The following FAM168A variants were observed in gnomAD, a reference collection of about 807,000 sequenced individuals.
FAM168A encodes family with sequence similarity 168 member A, also known as protein FAM168A.
Under a neutral mutation model 28.5 loss-of-function variants are expected in FAM168A, and 3 were observed. The ratio of observed to expected loss-of-function variants is 0.11; its 90% CI spans 0.05 to 0.27. The LOEUF (loss-of-function observed/expected upper bound fraction) is 0.27, where lower values mean the gene tolerates loss of function less well. FAM168A is among the 10% of genes least tolerant of loss of function. FAM168A has a pLI of 1.00. For synonymous variants in FAM168A, 122 were observed against 124.2 expected, an observed-to-expected ratio of 0.98 and a Z score of 0.12; for missense variants, 222 against 311.5, an observed-to-expected ratio of 0.71 and a Z score of 2.16.
intron 4 of FAM168A, among the ~76,000 whole-genome samples, chr11:73,413,917 T>G (rs1270423847): frequency 2.6e-5 from 4 of 152,054 alleles, no homozygotes; most frequent in Non-Finnish European, 5.9e-5. Context: ...AGAAAAAAAC[T>G]TAGCCAGGCA....
chr11:73,484,602 CTATATCGA>C (rs1868021549), intron 1 of FAM168A, among the ~76,000 whole-genome samples: 1 of 91,536 alleles, frequency 1.1e-5, no homozygotes, highest in African/African-American at 3.5e-5. Context: ...ATATCGATAT[CTATATCGA>C]TATATATCTA....
chr11:73,532,211 T>C (rs1396230120), intron 1 of FAM168A, among the ~76,000 whole-genome samples: 2 of 152,134 alleles, frequency 1.3e-5, no homozygotes, highest in Non-Finnish European at 2.9e-5. Context: ...TTTATACATC[T>C]CTCATTATAA....
chr11:73,583,979 C>T (rs549167371), intron 1 of FAM168A, among the ~76,000 whole-genome samples: 35 of 152,142 alleles, frequency 2.3e-4, no homozygotes, highest in Non-Finnish European at 3.2e-4. Flanking sequence ...GGCTTTCAGG[C>T]ATGCTCATTT....
intron 1 of FAM168A, among the ~76,000 whole-genome samples, chr11:73,577,576 T>C (rs1037779913): frequency 1.3e-5 from 2 of 152,182 alleles, no homozygotes; most frequent in East Asian, 1.9e-4. Context: ...CATCATACAA[T>C]TCACTTTCAG....
rs1866391060 is a variant in FAM168A, at chr11:73,400,815, T to TTTTAATAG, written c.*5947_*5948insCTATTAAA. On this transcript the variant is annotated 3_prime_UTR_variant, in exon 8 of 8. Coordinates refer to ENST00000356467, the MANE Select transcript of FAM168A (RefSeq NM_015159.3). ...ACTTTTTTTTGGGGGGGAATTTTTT[T>TTTTAATAG]TTTTAATAGTTATTGAGTGTTCTAC... is the stretch of plus-strand genomic sequence containing the variant. 1 of 152,126 alleles carries TTTTAATAG rather than the reference T, an allele frequency of 6.6e-6. No individual in the cohort carries two copies. Among genetic ancestry groups the TTTTAATAG allele is most frequent in the African/African-American group, 2.4e-5 (1 of 41,428 alleles). 9.4% of individuals were successfully genotyped at this position (152,126 alleles called of 1,614,324 possible).
At chr11:73,557,564 A>G (rs968216867) in intron 1 of FAM168A, among the ~76,000 whole-genome samples, 1 of 152,190 alleles carries the variant, frequency 6.6e-6, no homozygotes, top group Non-Finnish European at 1.5e-5. Context: ...TCCTGTATTC[A>G]TGAATTGGAA....
intron 3 of FAM168A, among the ~76,000 whole-genome samples, chr11:73,424,848 T>A (rs1428617508): frequency 6.6e-6 from 1 of 152,122 alleles, no homozygotes. Flanking sequence ...CAACCCATGA[T>A]TTTTGCACCA....
Position 73,411,374 on chromosome 11 carries a change from T to A in FAM168A, c.420+20A>T, listed in dbSNP as rs747448032. On this transcript the variant is annotated intron_variant, in intron 5 of 7. Coordinates refer to ENST00000356467, the MANE Select transcript of FAM168A (RefSeq NM_015159.3). ...AAGGCTCCTCTACCTGCAGAAGAGG[T>A]GGCTTTGACATGTACCTACCTGGGC... is the stretch of plus-strand genomic sequence containing the variant. 3.2e-6 allele frequency: 5 copies of A among 1,561,516 alleles called. No homozygotes were observed. The highest frequency in any genetic ancestry group is 1.4e-5 in the African/African-American group (1 of 73,514).
At chr11:73,417,453 G>C (rs1430871865) in intron 4 of FAM168A, among the ~76,000 whole-genome samples, 1 of 152,078 alleles carries the variant, frequency 6.6e-6, no homozygotes, top group Non-Finnish European at 1.5e-5. Flanking sequence ...AGATGTAAGA[G>C]AGAACATGTA....
intron 1 of FAM168A, among the ~76,000 whole-genome samples, chr11:73,583,615 T>C (rs1468819113): frequency 6.6e-6 from 1 of 152,176 alleles, no homozygotes; most frequent in African/African-American, 2.4e-5. Context: ...GAAAAGGTTA[T>C]CTCCTAGGCT....
chr11:73,454,826 C>G (rs377526956), intron 2 of FAM168A, among the ~76,000 whole-genome samples: 1 of 152,138 alleles, frequency 6.6e-6, no homozygotes, highest in Non-Finnish European at 1.5e-5. Context: ...CTACCCAACC[C>G]GTCCCCTTTT....
At chr11:73,433,076 CTTTTTTTTT>C (rs34994742) in intron 2 of FAM168A, among the ~76,000 whole-genome samples, 9 of 80,592 alleles carry the variant, frequency 1.1e-4, no homozygotes, top group African/African-American at 5.5e-4. Flanking sequence ...CACGCCCCGC[CTTTTTTTTT>C]TTTTTTTTTT....
chr11:73,549,098 T>C (rs981877570), intron 1 of FAM168A, among the ~76,000 whole-genome samples: 1 of 152,100 alleles, frequency 6.6e-6, no homozygotes, highest in Non-Finnish European at 1.5e-5. Context: ...TGCGCCACCA[T>C]GCCCAGCTAA....
chr11:73,467,965 A>G (rs1009136846), intron 2 of FAM168A, among the ~76,000 whole-genome samples: 20 of 152,248 alleles, frequency 1.3e-4, no homozygotes, highest in African/African-American at 4.8e-4. Flanking sequence ...AGTTACAGTT[A>G]TATCAGGCTG....
At chr11:73,497,200 C>T (rs1854907656) in intron 1 of FAM168A, among the ~76,000 whole-genome samples, 1 of 152,138 alleles carries the variant, frequency 6.6e-6, no homozygotes, top group African/African-American at 2.4e-5. Context: ...GGCACGGTGG[C>T]TCATACCTGT....
chr11:73,444,483 A>C (rs919921042), intron 2 of FAM168A, among the ~76,000 whole-genome samples: 1 of 152,240 alleles, frequency 6.6e-6, no homozygotes, highest in African/African-American at 2.4e-5. Flanking sequence ...AGAAACAGTA[A>C]ACCAGTCATT....
intron 1 of FAM168A, among the ~76,000 whole-genome samples, chr11:73,555,738 G>A (rs1357716833): frequency 3.3e-5 from 5 of 151,796 alleles, no homozygotes. Flanking sequence ...TGGGGCTAAG[G>A]GCTGCAACGT....
At chr11:73,580,351 C>T in intron 1 of FAM168A, 1 of 592,006 alleles carries the variant, frequency 1.7e-6, no homozygotes, top group South Asian at 1.4e-5. Context: ...AAACCTGCTC[C>T]TCCAAAGATA....
chr11:73,524,887 G>A (rs897941742), intron 1 of FAM168A, among the ~76,000 whole-genome samples: 15 of 152,076 alleles, frequency 9.9e-5, no homozygotes, highest in African/African-American at 2.9e-4. Context: ...GGCAAGAGCC[G>A]CTGCATCCAG....
Sources: allele counts gnomAD v4.1 joint callset (sites outside exome capture counted in the v4.1 genomes callset), GRCh38; gene constraint gnomAD v4.1.1; transcripts MANE v1.5; gene names NCBI Gene and HGNC (gene_info 2026-07-23, HGNC 2026-07-21).